The following GRIP1 variants were observed in gnomAD, a reference collection of about 807,000 sequenced individuals.
GRIP1 encodes the protein glutamate receptor-interacting protein 1.
A neutral mutation model predicts 129.9 loss-of-function variants in GRIP1; 45 were observed. That is an observed-to-expected ratio of 0.35 (90% CI 0.27 to 0.44). The LOEUF (loss-of-function observed/expected upper bound fraction) is 0.44. GRIP1 is among the 20% of genes least tolerant of loss of function. The pLI, the probability that GRIP1 is intolerant of heterozygous loss-of-function variation, is 1.00. For synonymous variants in GRIP1, 530 were observed against 520.8 expected (o/e 1.02, Z -0.24); for missense variants, 1,196 against 1,396.8 (o/e 0.86, Z 2.29).
chr12:66,658,793 A>G (rs2033324070), intron 1 of GRIP1, among the ~76,000 whole-genome samples: 2 of 151,766 alleles, frequency 1.3e-5, no homozygotes, highest in South Asian at 4.2e-4. Context: ...GTGTGGTGGC[A>G]TGCACCTGTG....
chr12:66,371,091 CTAAT>C (rs1380602277), intron 23 of GRIP1, among the ~76,000 whole-genome samples: 2 of 151,928 alleles, frequency 1.3e-5, no homozygotes, highest in East Asian at 1.9e-4. Flanking sequence ...GAATAATAAA[CTAAT>C]TATGCAAGCT....
chr12:66,660,414 T>C (rs2033426445), intron 1 of GRIP1, among the ~76,000 whole-genome samples: 1 of 152,132 alleles, frequency 6.6e-6, no homozygotes, highest in Non-Finnish European at 1.5e-5. Context: ...TGAGGAAAAA[T>C]GATTAAATTA....
intron 7 of GRIP1, among the ~76,000 whole-genome samples, chr12:66,496,112 A>G (rs1228731363): frequency 1.3e-5 from 2 of 152,184 alleles, no homozygotes; most frequent in Non-Finnish European, 2.9e-5. Flanking sequence ...GAGGGCCACA[A>G]GCTTAAATGT....
At chr12:66,513,650 T>C (rs11176238) in intron 7 of GRIP1, among the ~76,000 whole-genome samples, 28,755 of 152,060 alleles carry the variant, frequency 0.19, 2,931 homozygotes, top group East Asian at 0.32. Context: ...GAAAGGAAAC[T>C]GATTTTTTGT....
chr12:66,778,296 A>G (rs1442834581), intron 1 of GRIP1, among the ~76,000 whole-genome samples: 1 of 152,204 alleles, frequency 6.6e-6, no homozygotes, highest in Non-Finnish European at 1.5e-5. Context: ...ACATATTATT[A>G]AAAGTGGCAA....
chr12:66,699,683 A>G (rs963832261), intron 1 of GRIP1, among the ~76,000 whole-genome samples: 17 of 152,324 alleles, frequency 1.1e-4, no homozygotes, highest in African/African-American at 3.8e-4. Flanking sequence ...AGAGAGGTAT[A>G]TAATGGAATC....
intron 16 of GRIP1, among the ~76,000 whole-genome samples, chr12:66,401,265 G>A (rs1299971363): frequency 6.6e-6 from 1 of 151,998 alleles, no homozygotes; most frequent in Admixed American, 6.6e-5. Flanking sequence ...CAAACTTATT[G>A]GTGAGTTATT....
At chr12:66,792,638 A>C (rs577716968) in intron 1 of GRIP1, among the ~76,000 whole-genome samples, 4 of 152,142 alleles carry the variant, frequency 2.6e-5, no homozygotes, top group African/African-American at 9.7e-5. Flanking sequence ...TGCTATTACA[A>C]CTCAAACTAA....
rs992535026 is a variant in GRIP1 at position 66,614,200 on chromosome 12, G to A, written c.56-17273C>T. Among the ~76,000 whole-genome samples the A allele has an allele frequency of 3.3e-5, 5 of 151,776 alleles. 1 individual carries two copies. The highest frequency in any genetic ancestry group is 1.2e-4 in the African/African-American group (5 of 41,270). ...TCCTTGCTATCACATCTACTTCCAT[G>A]CCTTTAAATGCTAAAAGCTCTCATG... On this transcript the variant is annotated intron_variant, in intron 1 of 24. Transcript: ENST00000359742.
intron 1 of GRIP1, among the ~76,000 whole-genome samples, chr12:66,877,690 G>C (rs1411507578): frequency 1.3e-5 from 2 of 151,998 alleles, no homozygotes; most frequent in African/African-American, 4.8e-5. Context: ...AAGTCTGTGA[G>C]GCAGAAAATA....
chr12:66,400,934 AT>A (rs10708057), intron 16 of GRIP1, among the ~76,000 whole-genome samples: 137,850 of 152,114 alleles, frequency 0.91, 63,997 homozygotes, highest in East Asian at 1. Flanking sequence ...AAAACAATAG[AT>A]TTTTTTCAAG....
chr12:66,881,297 G>T (rs1455050535), intron 1 of GRIP1, among the ~76,000 whole-genome samples: 1 of 152,146 alleles, frequency 6.6e-6, no homozygotes, highest in Non-Finnish European at 1.5e-5. Context: ...GCCTTAGTTT[G>T]TAAAGATGCG....
Position 66,799,481 on chromosome 12 carries a change from G to A in GRIP1, c.-420+4572C>T, listed in dbSNP as rs191518750. Among the ~76,000 whole-genome samples the A allele has an allele frequency of 7.8e-4, 119 of 152,228 alleles. 4 individuals carry two copies. The highest frequency in any genetic ancestry group is 7.1e-3 in the Admixed American group (108 of 15,262). ...TGATGATCCCACTATTTTTAACATA[G>A]AAATAAATGGCTTCTATGCTTGTAA... On this transcript the variant is annotated intron_variant, in intron 1 of 4. Coordinates refer to the GRIP1 transcript ENST00000538373.
intron 6 of GRIP1, 109 bp downstream of exon 6, chr12:66,517,792 C>T: frequency 1.4e-6 from 1 of 720,062 alleles, no homozygotes; most frequent in East Asian, 2.6e-5. Flanking sequence ...AACATGTTTG[C>T]TTAATAGCTA....
In GRIP1 at chr12:66,669,387, CAATAAATAAATA is replaced by C. The variant is rs76985683; in HGVS notation, c.55+9451_55+9462del. 4.4e-4 allele frequency among the ~76,000 whole-genome samples: 66 copies of C among 151,140 alleles called. 2 individuals carry two copies. In the South Asian group the frequency reaches 5.5e-3, roughly 13 times the overall value. ...TGGGTGACAGAGTGAGACTCTGTCT[CAATAAATAAATA>C]AATAAATAAATAAATATTAACATTA... On this transcript the variant is annotated intron_variant, in intron 1 of 24. Coordinates refer to ENST00000359742, the MANE Select transcript of GRIP1 (RefSeq NM_001366722.1).
intron 1 of GRIP1, among the ~76,000 whole-genome samples, chr12:66,759,726 C>A (rs2037410728): frequency 6.6e-6 from 1 of 151,472 alleles, no homozygotes; most frequent in African/African-American, 2.4e-5. Flanking sequence ...ATCTCTAGAG[C>A]AGGGGCAAAA....
chr12:66,996,802 G>A (rs902525909), intron 1 of GRIP1, among the ~76,000 whole-genome samples: 1 of 152,100 alleles, frequency 6.6e-6, no homozygotes, highest in African/African-American at 2.4e-5. Flanking sequence ...TTATTCACAT[G>A]AAAATCTACC....
intron 7 of GRIP1, among the ~76,000 whole-genome samples, chr12:66,475,043 A>G (rs937706329): frequency 1.3e-5 from 2 of 152,210 alleles, no homozygotes; most frequent in African/African-American, 4.8e-5. Flanking sequence ...CAAATTGGAT[A>G]AAGAGTCAAG....
chr12:67,021,582 GATCAA>G (rs1204306655), intron 1 of GRIP1, among the ~76,000 whole-genome samples: 2 of 152,016 alleles, frequency 1.3e-5, no homozygotes, highest in African/African-American at 4.8e-5. Flanking sequence ...AATGTATAAT[GATCAA>G]ATCAGAGCAA....
Sources: allele counts gnomAD v4.1 joint callset (sites outside exome capture counted in the v4.1 genomes callset), GRCh38; gene constraint gnomAD v4.1.1; transcripts MANE v1.5; gene names NCBI Gene and HGNC (gene_info 2026-07-23, HGNC 2026-07-21).